CRBN: variants seen among roughly 807,000 people sequenced by gnomAD.
CRBN encodes protein cereblon.
A neutral mutation model predicts 62.2 loss-of-function variants in CRBN; 53 were observed. The observed-to-expected ratio is 0.85, with a 90% confidence interval of 0.68 to 1.07. The LOEUF is 1.07. Ranked by LOEUF, CRBN falls within the 50% of genes least tolerant of loss-of-function variation. The pLI is 0.00. For missense variants in CRBN, 616 were observed against 531.1 expected (o/e 1.16, Z -1.57); for synonymous variants, 208 against 176.1 (o/e 1.18, Z -1.43).
intron 10 of CRBN, among the ~76,000 whole-genome samples, chr3:3,152,098 A>G (rs1706598995): frequency 6.6e-6 from 1 of 152,134 alleles, no homozygotes; most frequent in African/African-American, 2.4e-5. Context: ...AAAGATACAA[A>G]AAGTGCAACA....
chr3:3,179,709 G>A, upstream of CRBN: 1 of 1,610,298 alleles, frequency 6.2e-7, no homozygotes, highest in Non-Finnish European at 8.5e-7. Context: ...CGCAAAGGAG[G>A]CTGGGACAGG....
In CRBN at chr3:3,150,029, G is replaced by GTTTAC. The variant is rs1559236483; in HGVS notation, c.*831_*835dup. On this transcript the variant is annotated 3_prime_UTR_variant, in exon 11 of 11. Coordinates refer to ENST00000231948, the MANE Select transcript of CRBN (RefSeq NM_016302.4). ...GAACATGTTTAGTTTCACACTTAAG[G>GTTTAC]TTTACTTACTTACAGATTTTCTTCA... 6.6e-6 allele frequency: 1 copy of GTTTAC among 151,980 alleles called. No individual in the cohort carries two copies. Among genetic ancestry groups the GTTTAC allele is most frequent in the African/African-American group, 2.4e-5 (1 of 41,368 alleles). 9.4% of individuals were successfully genotyped at this position (151,980 alleles called of 1,614,324 possible).
Position 3,154,025 on chromosome 3 carries a change from T to C in CRBN, c.886A>G (p.Ile296Val). 1 of 1,613,726 alleles carries C rather than the reference T, an allele frequency of 6.2e-7. No homozygotes were observed. Reference sequence around the variant, plus strand: ...GCACTGCCAATTTTAAGGAGCTGAATTCTCAATACATCATCAATAGGAAGA... The same window carrying C: ...GCACTGCCAATTTTAAGGAGCTGAACTCTCAATACATCATCAATAGGAAGA... Reference protein sequence around the residue: ...ACLPIDDVLRIQLLKIGSAIQ... With the variant: ...ACLPIDDVLRVQLLKIGSAIQ... The change falls in exon 8 of 11, where the codon ATT becomes GTT. Residue 296 changes from isoleucine (I) to valine (V), a missense_variant. Transcript: ENST00000231948.
At chr3:3,151,144 A>G (rs994801149) in intron 10 of CRBN, 99 bp from the exon 11 acceptor site, 480 of 1,250,840 alleles carry the variant, frequency 3.8e-4, no homozygotes, top group Middle Eastern at 8.0e-4. Flanking sequence ...GGCAAATTCT[A>G]AGGATTAGAG....
intron 10 of CRBN, among the ~76,000 whole-genome samples, 185 bp from the exon 11 acceptor site, chr3:3,151,230 A>G (rs1378340957): frequency 2.6e-5 from 4 of 152,190 alleles, no homozygotes; most frequent in African/African-American, 9.7e-5. Flanking sequence ...TAATTTTGTA[A>G]TATGTATGAC....
rs556768996 is a variant in CRBN, at chr3:3,157,783, C to G, written c.688-1502G>C. Reference sequence around the variant, plus strand: ...CTATGTTAGTTTGGTGCAAAAGTAACTGCGGTTTTAACAGAAGACTAGAAT... The same window carrying G: ...CTATGTTAGTTTGGTGCAAAAGTAAGTGCGGTTTTAACAGAAGACTAGAAT... On this transcript the variant is annotated intron_variant, in intron 5 of 10. Coordinates refer to ENST00000231948, the MANE Select transcript of CRBN (RefSeq NM_016302.4). Among the ~76,000 whole-genome samples, 4 of 152,326 alleles carry G rather than the reference C, an allele frequency of 2.6e-5. No homozygotes were observed. In the South Asian group the frequency reaches 6.2e-4, roughly 24 times the overall value.
At chr3:3,174,827 C>G (rs1344657798) in intron 2 of CRBN, among the ~76,000 whole-genome samples, 1 of 151,878 alleles carries the variant, frequency 6.6e-6, no homozygotes. Context: ...TTATTTTTAC[C>G]AAGAAATATC....
intron 5 of CRBN, among the ~76,000 whole-genome samples, chr3:3,161,843 A>G (rs1473383620): frequency 6.6e-6 from 1 of 152,238 alleles, no homozygotes; most frequent in East Asian, 1.9e-4. Flanking sequence ...GACTGGTTAT[A>G]CAGTGTATCC....
intron 9 of CRBN, 60 bp downstream of exon 9, chr3:3,153,364 T>C (rs1706719929): frequency 1.0e-6 from 1 of 972,716 alleles, no homozygotes; most frequent in African/African-American, 1.6e-5. Flanking sequence ...AAAACAGAAA[T>C]ACAGTCTTCA....
intron 1 of CRBN, among the ~76,000 whole-genome samples, chr3:3,177,182 G>A (rs1316517452): frequency 6.6e-6 from 1 of 152,188 alleles, no homozygotes; most frequent in African/African-American, 2.4e-5. Context: ...AAGAATTACT[G>A]AATCTCATTT....
chr3:3,167,086 C>A (rs1209767319), intron 5 of CRBN, among the ~76,000 whole-genome samples: 1 of 151,944 alleles, frequency 6.6e-6, no homozygotes, highest in Non-Finnish European at 1.5e-5. Flanking sequence ...TTTCCTATGA[C>A]AATTATGATT....
At chr3:3,169,915 G>A (rs1232471461) in intron 4 of CRBN, among the ~76,000 whole-genome samples, 2 of 151,812 alleles carry the variant, frequency 1.3e-5, no homozygotes, top group African/African-American at 4.8e-5. Context: ...ATTTCTATGT[G>A]TTCAGAAGAT....
At chr3:3,169,016 A>G (rs1267299592) in intron 4 of CRBN, among the ~76,000 whole-genome samples, 1 of 152,252 alleles carries the variant, frequency 6.6e-6, no homozygotes, top group Non-Finnish European at 1.5e-5. Flanking sequence ...AAAAGTATAT[A>G]CCATCCTATA....
intron 5 of CRBN, among the ~76,000 whole-genome samples, chr3:3,165,543 A>T (rs547105468): frequency 6.6e-6 from 1 of 152,336 alleles, no homozygotes; most frequent in African/African-American, 2.4e-5. Flanking sequence ...TGATTCACTG[A>T]AGGCTCAGAT....
In CRBN at chr3:3,174,210, C is replaced by A. The variant is rs370224981; in HGVS notation, c.226G>T (p.Asp76Tyr). 1 of 1,614,114 alleles carries A rather than the reference C, an allele frequency of 6.2e-7. No homozygotes were observed. The highest frequency in any genetic ancestry group is 2.2e-5 in the East Asian group (1 of 44,884). ...EFHGRTLHDD[D>Y]SCQVIPVLPQ... ...AGAACTGGAATCACCTGACAGCTGT[C>A]GTCATCGTGCAAAGTCCTGCCATGA... The change falls in exon 3 of 11, where the codon GAC (aspartate) becomes TAC (tyrosine). Residue 76 changes from aspartate to tyrosine, a missense_variant. Physicochemically the swap from Asp to Tyr is radical, Grantham distance 160. Coordinates refer to ENST00000231948, the MANE Select transcript of CRBN (RefSeq NM_016302.4).
intron 5 of CRBN, among the ~76,000 whole-genome samples, chr3:3,163,581 T>G (rs1293207121): frequency 6.6e-6 from 1 of 152,172 alleles, no homozygotes; most frequent in African/African-American, 2.4e-5. Context: ...TTAGCCCAAG[T>G]TCAGGTTTAA....
intron 4 of CRBN, among the ~76,000 whole-genome samples, chr3:3,169,782 C>T (rs998417899): frequency 6.6e-6 from 1 of 152,310 alleles, no homozygotes; most frequent in East Asian, 1.9e-4. Flanking sequence ...TCAGTCTAGA[C>T]AGGTAAGAGA....
At chr3:3,178,069 G>C (rs985892847) in intron 1 of CRBN, among the ~76,000 whole-genome samples, 1 of 151,992 alleles carries the variant, frequency 6.6e-6, no homozygotes, top group Non-Finnish European at 1.5e-5. Context: ...TATCAGTGAA[G>C]TCTGATGACT....
intron 4 of CRBN, 107 bp from the exon 5 acceptor site, chr3:3,167,900 T>C: frequency 9.3e-7 from 1 of 1,076,434 alleles, no homozygotes; most frequent in South Asian, 1.4e-5. Context: ...TTCCAAGTTT[T>C]ATCTTTTAAA....
Sources: gnomAD v4.1 joint callset for allele counts (sites outside exome capture counted in the v4.1 genomes callset) on GRCh38, gnomAD v4.1.1 for gene constraint, MANE v1.5 for transcripts, NCBI Gene and HGNC (gene_info 2026-07-23, HGNC 2026-07-21) for gene names.